The following ANKRD30A variants were observed in gnomAD, a reference collection of about 807,000 sequenced individuals.
ANKRD30A encodes the protein ankyrin repeat domain 30A, also known as ankyrin repeat domain-containing protein 30A.
ANKRD30A carries 170 observed loss-of-function variants against 166.3 expected under a neutral mutation model. The ratio of observed to expected loss-of-function variants is 1.02; its 90% CI spans 0.90 to 1.16. The LOEUF is 1.16. Ranked by LOEUF, ANKRD30A falls within the 50% of genes most tolerant of loss-of-function variation. The pLI, the probability that ANKRD30A is intolerant of heterozygous loss-of-function variation, is 0.00. For synonymous variants in ANKRD30A, 564 were observed against 508.9 expected (o/e 1.11, Z -1.46); for missense variants, 1,630 against 1,518.0 (o/e 1.07, Z -1.23).
At position 37,141,828 on chromosome 10, in the gene ANKRD30A, GA is replaced by G; in HGVS notation, c.934del (p.Arg312GlufsTer85). 6.2e-7 allele frequency: 1 copy of G among 1,611,366 alleles called. No homozygotes were observed. The highest frequency in any genetic ancestry group is 8.5e-7 in the Non-Finnish European group (1 of 1,179,248). On this transcript the variant is annotated frameshift_variant, in exon 7 of 36. Coordinates refer to ENST00000361713, the MANE Select transcript of ANKRD30A (RefSeq NM_052997.3). LOFTEE classifies it high-confidence loss of function. The stretch of plus-strand genomic sequence containing the variant: ...ACCTGATGAGGCTGCACCCTTGGTG[GA>G]AAGAACACCTGACACGGCTGAAAGC... The part of the protein sequence containing the change: ...KTPDEAAPLV[E>X]RTPDTAESLV...
chr10:37,218,599 C>A (rs1392435476), intron 33 of ANKRD30A, among the ~76,000 whole-genome samples: 2 of 150,958 alleles, frequency 1.3e-5, no homozygotes, highest in African/African-American at 4.8e-5. Context: ...ATATATGCAG[C>A]ACTAAGATTC....
At chr10:37,164,983 GC>G (rs1268219969) in intron 17 of ANKRD30A, 110 bp from the exon 18 acceptor site, 3 of 1,150,062 alleles carry the variant, frequency 2.6e-6, no homozygotes, top group Admixed American at 3.9e-5. Context: ...GAACATATGG[GC>G]CACAGAGGAA....
the ANKRD30A span, among the ~76,000 whole-genome samples, chr10:37,237,596 T>C: frequency 1.3e-5 from 2 of 152,278 alleles, no homozygotes; most frequent in Non-Finnish European, 2.9e-5. Context: ...TTTCTCACCT[T>C]CTATTTAAAA....
intron 27 of ANKRD30A, among the ~76,000 whole-genome samples, chr10:37,194,549 C>T (rs1192939451): frequency 6.6e-6 from 1 of 151,928 alleles, no homozygotes; most frequent in East Asian, 2.0e-4. Flanking sequence ...AGTGTGTTAG[C>T]CAGGATGGTC....
Position 37,197,786 on chromosome 10 carries a change from TC to T in ANKRD30A, c.2716+307del, listed in dbSNP as rs535612828. 2.0e-5 allele frequency among the ~76,000 whole-genome samples: 3 copies of T among 152,310 alleles called. No individual in the cohort carries two copies. The South Asian group carries it at 6.2e-4, about 32-fold the overall frequency. ...GAAGGTGAATGTTGAAACTCCAATT[TC>T]TTTTTTTAGTTCTTCGAAGCTTGAT... On this transcript the variant is annotated intron_variant, in intron 29 of 35. Transcript: ENST00000361713.
the ANKRD30A span, chr10:37,240,813 A>T: frequency 6.6e-6 from 1 of 152,128 alleles, no homozygotes; most frequent in Non-Finnish European, 1.5e-5. Context: ...ATGTGTCATG[A>T]TATCTATTAC....
intron 27 of ANKRD30A, 44 bp from the exon 28 acceptor site, chr10:37,197,237 T>C: frequency 1.2e-6 from 2 of 1,606,000 alleles, no homozygotes; most frequent in Non-Finnish European, 1.7e-6. Context: ...GGCTGGCTTG[T>C]CATATTTACT....
At chr10:37,234,311 AATTAT>A (rs1843576171), downstream of ANKRD30A, among the ~76,000 whole-genome samples, 1 of 152,302 alleles carries the variant, frequency 6.6e-6, no homozygotes, top group Middle Eastern at 3.4e-3. Flanking sequence ...TTCTTTAAAA[AATTAT>A]ATTATAAAAT....
chr10:37,178,473 A>C lies in ANKRD30A; in HGVS notation c.2421+2255A>C, dbSNP rs577935911. The C allele has an allele frequency of 2.1e-3, 1,925 of 923,336 alleles. 2 individuals are homozygous for C. The African/African-American group carries it at 0.033, about 16-fold the overall frequency. 57.2% of individuals were successfully genotyped at this position (923,336 alleles called of 1,614,324 possible). A position where few individuals can be genotyped will look rare whatever the true frequency, so the allele number is the denominator to read the frequency against. On this transcript the variant is annotated intron_variant, in intron 24 of 35. Transcript: ENST00000361713. ...TGCATTTTTAAAAAGTTCTCAGGTGATGCTGATGCTGGTGGTCCTTGGACG... is the reference window on the plus strand; with the variant it reads ...TGCATTTTTAAAAAGTTCTCAGGTGCTGCTGATGCTGGTGGTCCTTGGACG...
intron 17 of ANKRD30A, 37 bp downstream of exon 17, chr10:37,162,885 T>G (rs1329848751): frequency 6.3e-7 from 1 of 1,599,174 alleles, no homozygotes; most frequent in South Asian, 1.1e-5. Flanking sequence ...AGACCAATAT[T>G]TCAATATTGG....
At chr10:37,251,890 C>A in the ANKRD30A span, among the ~76,000 whole-genome samples, 2 of 152,242 alleles carry the variant, frequency 1.3e-5, no homozygotes, top group African/African-American at 4.8e-5. Context: ...TTCAGTGAAT[C>A]AAATTTCTTT....
At chr10:37,193,777 T>C (rs537547165) in intron 27 of ANKRD30A, among the ~76,000 whole-genome samples, 98 of 152,058 alleles carry the variant, frequency 6.4e-4, no homozygotes, top group African/African-American at 2.2e-3. Context: ...CTAGACACGG[T>C]GTTTTAGAAG....
At chr10:37,260,653 C>T in the ANKRD30A span, among the ~76,000 whole-genome samples, 3 of 152,156 alleles carry the variant, frequency 2.0e-5, no homozygotes, top group Admixed American at 1.3e-4. Context: ...TTGATTCTTT[C>T]ATAAAAGTCG....
chr10:37,214,384 A>C (rs1842497605), intron 31 of ANKRD30A, among the ~76,000 whole-genome samples: 1 of 151,384 alleles, frequency 6.6e-6, no homozygotes, highest in South Asian at 2.1e-4. Flanking sequence ...AGGTTTTTAG[A>C]CCACTTTAAT....
At chr10:37,179,007 G>A (rs1206744205) in intron 24 of ANKRD30A, among the ~76,000 whole-genome samples, 48 of 128,792 alleles carry the variant, frequency 3.7e-4, no homozygotes, top group African/African-American at 1.3e-3. Context: ...TTACTATGAG[G>A]CGTCAAATAT....
intron 4 of ANKRD30A, among the ~76,000 whole-genome samples, chr10:37,132,729 A>G (rs1836453820): frequency 6.6e-6 from 1 of 152,186 alleles, no homozygotes; most frequent in African/African-American, 2.4e-5. Flanking sequence ...TGGGCACGGT[A>G]GCTGTTGCAT....
chr10:37,225,317 A>C (rs1843098549), intron 34 of ANKRD30A, among the ~76,000 whole-genome samples: 1 of 151,734 alleles, frequency 6.6e-6, no homozygotes, highest in Non-Finnish European at 1.5e-5. Context: ...GTTTCTTTGT[A>C]GGTTAGAACA....
At chr10:37,144,465 A>G (rs1190204928) in intron 7 of ANKRD30A, among the ~76,000 whole-genome samples, 2 of 152,364 alleles carry the variant, frequency 1.3e-5, no homozygotes, top group East Asian at 3.9e-4. Context: ...TCTAAAACAC[A>G]TACACACCAA....
intron 7 of ANKRD30A, among the ~76,000 whole-genome samples, 180 bp downstream of exon 7, chr10:37,142,470 A>C (rs1337884483): frequency 6.6e-6 from 1 of 151,702 alleles, no homozygotes; most frequent in Non-Finnish European, 1.5e-5. Context: ...AAAAATTCTC[A>C]CAATTCTTCT....
Sources: gnomAD v4.1 joint callset for allele counts (sites outside exome capture counted in the v4.1 genomes callset) on GRCh38, gnomAD v4.1.1 for gene constraint, MANE v1.5 for transcripts, NCBI Gene and HGNC (gene_info 2026-07-23, HGNC 2026-07-21) for gene names.